Variants in ATP6AP2 observed in about 807,000 individuals in gnomAD.
ATP6AP2 encodes ATPase H+ transporting accessory protein 2.
Under a neutral mutation model 23.4 loss-of-function variants are expected in ATP6AP2, and 1 was observed. The observed-to-expected ratio is 0.04, with a 90% confidence interval of 0.02 to 0.20. ATP6AP2 has a LOEUF of 0.20. ATP6AP2 is among the 10% of genes least tolerant of loss of function. The probability of loss-of-function intolerance (pLI) is 1.00; values close to 1 mark genes in which losing one functional copy is unlikely to be tolerated. For missense variants in ATP6AP2, 174 were observed against 271.3 expected (o/e 0.64, Z 2.52); for synonymous variants, 90 against 97.1 (o/e 0.93, Z 0.43).
At chrX:40,591,469 A>T (rs749405742) in intron 3 of ATP6AP2, 104 bp downstream of exon 3, 191 of 937,829 alleles carry the variant, frequency 2.0e-4, no homozygotes, top group Non-Finnish European at 2.7e-4. Context: ...TCTGTTTTTG[A>T]TGCACAGTTT....
intron 1 of ATP6AP2, among the ~76,000 whole-genome samples, chrX:40,585,763 G>A (rs899927708): frequency 1.8e-5 from 2 of 111,406 alleles, no homozygotes; most frequent in East Asian, 5.6e-4. Flanking sequence ...GTCTGAGGCA[G>A]GAGAATCTCT....
chrX:40,589,105 T>G lies in ATP6AP2; in HGVS notation c.157T>G (p.Ser53Ala). ...PDVAALSMGF[S>A]VKEDLSWPGL... ...CGTGGCTGCATTGTCCATGGGCTTCTCTGTGAAAGAAGTATGTATATATTT... is the reference window on the plus strand; with the variant it reads ...CGTGGCTGCATTGTCCATGGGCTTCGCTGTGAAAGAAGTATGTATATATTT... Residue 53 changes from serine to alanine, a missense_variant, in exon 2 of 9, where the codon TCT (serine) becomes GCT (alanine). Ser to Ala is a moderately conservative substitution (Grantham distance 99). Transcript: ENST00000636580. The G allele has an allele frequency of 8.3e-7, 1 of 1,210,006 alleles. No homozygotes were observed. Among genetic ancestry groups the G allele is most frequent in the African/African-American group, 1.7e-5 (1 of 57,779 alleles).
rs1195803952 is a variant in ATP6AP2 at position 40,606,029 on chromosome X, A to G, written c.*274A>G. 3.3e-6 allele frequency: 1 copy of G among 303,506 alleles called. No individual in the cohort carries two copies. Among genetic ancestry groups the G allele is most frequent in the Non-Finnish European group, 5.7e-6 (1 of 174,351 alleles). 25.0% of individuals were successfully genotyped at this position (303,506 alleles called of 1,213,427 possible). A position where few individuals can be genotyped will look rare whatever the true frequency, so the allele number is the denominator to read the frequency against. ...TTCATTCTGTTTAATGAATTTGGAA[A>G]TATGCACTGAAAGAAATGTAAAACA... On this transcript the variant is annotated 3_prime_UTR_variant, in exon 9 of 9. Transcript: ENST00000636580.
intron 1 of ATP6AP2, among the ~76,000 whole-genome samples, chrX:40,584,243 A>AT (rs1045711865): frequency 9.1e-6 from 1 of 109,668 alleles, no homozygotes; most frequent in African/African-American, 3.3e-5. Context: ...TACCCAGCTA[A>AT]TTTTTTGTTT....
chrX:40,602,780 C>T (rs1416079798), intron 8 of ATP6AP2, among the ~76,000 whole-genome samples: 2 of 107,866 alleles, frequency 1.9e-5, no homozygotes, highest in African/African-American at 3.4e-5. Flanking sequence ...AAGCTGGGGA[C>T]CCCGAGAGAG....
intron 1 of ATP6AP2, among the ~76,000 whole-genome samples, chrX:40,588,332 A>T (rs1327651479): frequency 2.1e-4 from 2 of 9,681 alleles, no homozygotes; most frequent in East Asian, 5.9e-3. Flanking sequence ...TGTGACATGT[A>T]TGCCCCCCCC....
intron 1 of ATP6AP2, among the ~76,000 whole-genome samples, chrX:40,582,564 T>G (rs1306953041): frequency 9.0e-6 from 1 of 111,334 alleles, no homozygotes; most frequent in Non-Finnish European, 1.9e-5. Flanking sequence ...GGTGCGGGGG[T>G]TTTGTGTGTT....
At chrX:40,600,942 A>AC (rs1926890218) in intron 8 of ATP6AP2, 61 bp downstream of exon 8, 1 of 1,128,015 alleles carries the variant, frequency 8.9e-7, no homozygotes, top group East Asian at 3.1e-5. Flanking sequence ...AAAAAAAAAA[A>AC]AACCAAGTCC....
chrX:40,595,205 A>G (rs903491726), intron 3 of ATP6AP2, among the ~76,000 whole-genome samples: 4 of 112,353 alleles, frequency 3.6e-5, no homozygotes, highest in Non-Finnish European at 7.5e-5. Flanking sequence ...GTGCTGTGTG[A>G]GGAGCTCATT....
chrX:40,605,102 G>C (rs959736159), intron 8 of ATP6AP2: 1 of 120,570 alleles, frequency 8.3e-6, no homozygotes, highest in Non-Finnish European at 1.7e-5. Context: ...GGCTAATTTC[G>C]TATTTTTAGT....
intron 8 of ATP6AP2, 147 bp downstream of exon 8, chrX:40,601,028 G>T: frequency 1.8e-6 from 1 of 569,786 alleles, no homozygotes; most frequent in Non-Finnish European, 2.7e-6. Flanking sequence ...TAAGCTTCTT[G>T]TTCACATACA....
chrX:40,597,708 CGT>C (rs1311833592), intron 5 of ATP6AP2, 44 bp downstream of exon 5: 4 of 1,158,032 alleles, frequency 3.5e-6, no homozygotes, highest in African/African-American at 1.8e-5. Context: ...CATTAATTTC[CGT>C]CTTTTTAAAA....
chrX:40,598,214 C>G (rs1158142863), intron 5 of ATP6AP2: 4 of 162,031 alleles, frequency 2.5e-5, no homozygotes, highest in Non-Finnish European at 4.7e-5. Flanking sequence ...GTTTCTCCAT[C>G]TGCTCATGCG....
At chrX:40,601,001 C>T (rs1187084387) in intron 8 of ATP6AP2, 120 bp downstream of exon 8, 1 of 756,056 alleles carries the variant, frequency 1.3e-6, no homozygotes, top group East Asian at 3.6e-5. Context: ...ATCTGAAAAA[C>T]AATTTCAGTT....
chrX:40,580,999 C>T lies in ATP6AP2; in HGVS notation c.-67C>T, dbSNP rs1202685316. On this transcript the variant is annotated 5_prime_UTR_variant, in exon 1 of 9. Coordinates refer to ENST00000636580, the MANE Select transcript of ATP6AP2 (RefSeq NM_005765.3). ...CCGAGCGCGTCACCTCCTCACGCTG[C>T]GGCTGTCGCCCGTGTCCCGCCGGCC... 3 of 1,141,285 alleles carry T rather than the reference C, an allele frequency of 2.6e-6. No homozygotes were observed. Among genetic ancestry groups the T allele is most frequent in the African/African-American group, 3.6e-5 (2 of 55,680 alleles). 94.1% of individuals were successfully genotyped at this position (1,141,285 alleles called of 1,213,427 possible). A position where few individuals can be genotyped will look rare whatever the true frequency, so the allele number is the denominator to read the frequency against.
chrX:40,604,158 AT>A (rs1385340296), intron 8 of ATP6AP2, among the ~76,000 whole-genome samples: 1 of 105,535 alleles, frequency 9.5e-6, no homozygotes, highest in African/African-American at 3.9e-5. Context: ...ACAGCTCTGT[AT>A]TTTAAAAAAA....
At chrX:40,594,107 G>A in intron 3 of ATP6AP2, among the ~76,000 whole-genome samples, 1 of 112,142 alleles carries the variant, frequency 8.9e-6, no homozygotes. Flanking sequence ...AAGTATGTGA[G>A]GTGATGGATT....
chrX:40,590,307 C>T (rs759649666), intron 2 of ATP6AP2: 47 of 112,368 alleles, frequency 4.2e-4, no homozygotes, highest in African/African-American at 1.4e-3. Context: ...CTTTCTGCGT[C>T]AGCCTCCCAA....
intron 6 of ATP6AP2, chrX:40,599,197 T>C: frequency 9.0e-6 from 2 of 222,998 alleles, no homozygotes; most frequent in South Asian, 6.8e-5. Flanking sequence ...GTTTGCTACC[T>C]TCTGAAGTTG....
Sources: allele counts gnomAD v4.1 joint callset (sites outside exome capture counted in the v4.1 genomes callset), GRCh38; gene constraint gnomAD v4.1.1; transcripts MANE v1.5; gene names NCBI Gene and HGNC (gene_info 2026-07-23, HGNC 2026-07-21).